ZNF804A: variants seen among roughly 807,000 people sequenced by gnomAD.
ZNF804A encodes zinc finger protein 804A.
Under a neutral mutation model 16.5 loss-of-function variants are expected in ZNF804A, and 2 were observed. The ratio of observed to expected loss-of-function variants is 0.12; its 90% CI spans 0.05 to 0.38. The LOEUF (loss-of-function observed/expected upper bound fraction) is 0.38, where lower values mean the gene tolerates loss of function less well. Ranked by LOEUF, ZNF804A falls within the 10% of genes least tolerant of loss-of-function variation. ZNF804A has a pLI of 0.99. For missense variants in ZNF804A, 1,473 were observed against 1,390.7 expected, an observed-to-expected ratio of 1.06 and a Z score of -0.94; for synonymous variants, 534 against 489.6, an observed-to-expected ratio of 1.09 and a Z score of -1.20.
At position 184,680,209 on chromosome 2, in the gene ZNF804A, G is replaced by C. The variant is rs181353395; in HGVS notation, c.111+81139G>C. 3.0e-3 allele frequency among the ~76,000 whole-genome samples: 451 copies of C among 151,908 alleles called. 1 individual carries two copies. Among genetic ancestry groups the C allele is most frequent in the African/African-American group, 0.011 (437 of 41,414 alleles). ...GTGGGTCTTCTGTCTGACAAGAGCT[G>C]AACAGATGGGATGACCTACCTGCGG... On this transcript the variant is annotated intron_variant, in intron 1 of 3. Coordinates refer to ENST00000302277, the MANE Select transcript of ZNF804A (RefSeq NM_194250.2).
rs78231332 is a variant in ZNF804A, at chr2:184,799,047, G to A, written c.112-67322G>A. 9.1e-3 allele frequency among the ~76,000 whole-genome samples: 1,382 copies of A among 152,192 alleles called. 23 individuals are homozygous for A. Among genetic ancestry groups the A allele is most frequent in the African/African-American group, 0.032 (1,322 of 41,528 alleles). ...GCAAGTCTCTCTGGTACCGCGGGCTGTCAGCACAGAGTCCTGTGATATGAA... is the reference window on the plus strand; with the variant it reads ...GCAAGTCTCTCTGGTACCGCGGGCTATCAGCACAGAGTCCTGTGATATGAA... On this transcript the variant is annotated intron_variant, in intron 1 of 3. Coordinates refer to ENST00000302277, the MANE Select transcript of ZNF804A (RefSeq NM_194250.2).
chr2:184,833,694 TATC>T (rs1203237687), intron 1 of ZNF804A, among the ~76,000 whole-genome samples: 4 of 152,030 alleles, frequency 2.6e-5, no homozygotes, highest in African/African-American at 9.7e-5. Context: ...TTCACAAGAA[TATC>T]ATGAAAGAGG....
chr2:184,628,650 T>G (rs571197246), intron 1 of ZNF804A, among the ~76,000 whole-genome samples: 27 of 152,190 alleles, frequency 1.8e-4, no homozygotes, highest in African/African-American at 5.8e-4. Flanking sequence ...TGGTAATCCT[T>G]TTTTTTAAAA....
At chr2:184,616,452 A>G (rs1246658347) in intron 1 of ZNF804A, among the ~76,000 whole-genome samples, 3 of 152,186 alleles carry the variant, frequency 2.0e-5, no homozygotes, top group African/African-American at 7.2e-5. Context: ...AGATTAAATA[A>G]TATAAGGGAA....
chr2:184,722,616 A>C (rs1433031715), intron 1 of ZNF804A, among the ~76,000 whole-genome samples: 1 of 152,024 alleles, frequency 6.6e-6, no homozygotes, highest in African/African-American at 2.4e-5. Context: ...GAATTGGTTA[A>C]ATATGTGTTC....
chr2:184,817,829 G>A (rs577307946), intron 1 of ZNF804A, among the ~76,000 whole-genome samples: 13 of 152,000 alleles, frequency 8.6e-5, no homozygotes, highest in Middle Eastern at 3.4e-3. Flanking sequence ...CTATCTTTCC[G>A]AAATAAGACA....
At chr2:184,659,314 C>G (rs900169614) in intron 1 of ZNF804A, among the ~76,000 whole-genome samples, 4 of 152,190 alleles carry the variant, frequency 2.6e-5, no homozygotes, top group Non-Finnish European at 5.9e-5. Flanking sequence ...GGCCACTATT[C>G]ATTTGTATGT....
At position 184,604,146 on chromosome 2, in the gene ZNF804A, C is replaced by CTTTTTTTTTTTTTTTTTTTTTTTTTTTT. The variant is rs759053144; in HGVS notation, c.111+5090_111+5117dup. On this transcript the variant is annotated intron_variant, in intron 1 of 3. Transcript: ENST00000302277. The stretch of plus-strand genomic sequence containing the variant: ...TTCAGGTTATGGATGACTGCAATTA[C>CTTTTTTTTTTTTTTTTTTTTTTTTTTTT]TTTTTTTTTTTTTTTTTTTTTTTTT... Among the ~76,000 whole-genome samples, 3 of 44,862 alleles carry CTTTTTTTTTTTTTTTTTTTTTTTTTTTT rather than the reference C, an allele frequency of 6.7e-5. 1 individual carries two copies. The highest frequency in any genetic ancestry group is 8.8e-5 in the Non-Finnish European group (2 of 22,814). 29.4% of individuals were successfully genotyped at this position (44,862 alleles called of 152,430 possible). A position where few individuals can be genotyped will look rare whatever the true frequency, so the allele number is the denominator to read the frequency against.
intron 1 of ZNF804A, among the ~76,000 whole-genome samples, chr2:184,670,505 A>G (rs1015663771): frequency 2.0e-5 from 3 of 151,996 alleles, no homozygotes. Context: ...GATATACCAT[A>G]TTTTAGTTCT....
intron 1 of ZNF804A, among the ~76,000 whole-genome samples, chr2:184,736,194 C>T (rs896184645): frequency 1.3e-5 from 2 of 152,102 alleles, no homozygotes; most frequent in African/African-American, 4.8e-5. Context: ...AAAAACACAG[C>T]ATAGGGCAAC....
intron 1 of ZNF804A, among the ~76,000 whole-genome samples, chr2:184,705,066 T>C (rs925340688): frequency 6.6e-6 from 1 of 152,194 alleles, no homozygotes; most frequent in African/African-American, 2.4e-5. Flanking sequence ...CAGTGTTAGA[T>C]TGCACCTGTT....
chr2:184,638,314 A>C (rs1691735690), intron 1 of ZNF804A, among the ~76,000 whole-genome samples: 1 of 152,224 alleles, frequency 6.6e-6, no homozygotes. Flanking sequence ...ATATGATGAC[A>C]TGCAGACTTT....
At chr2:184,910,473 T>A (rs1203040895) in intron 2 of ZNF804A, among the ~76,000 whole-genome samples, 1 of 152,040 alleles carries the variant, frequency 6.6e-6, no homozygotes, top group Non-Finnish European at 1.5e-5. Context: ...GGATTTATAT[T>A]CCTTTGGGAA....
At chr2:184,796,484 C>G (rs761006464) in intron 1 of ZNF804A, among the ~76,000 whole-genome samples, 31 of 152,124 alleles carry the variant, frequency 2.0e-4, no homozygotes, top group Non-Finnish European at 3.4e-4. Flanking sequence ...ATTTATCCAT[C>G]TCTTCTAGGT....
chr2:184,794,714 C>A (rs983241098), intron 1 of ZNF804A, among the ~76,000 whole-genome samples: 9 of 152,022 alleles, frequency 5.9e-5, no homozygotes, highest in Admixed American at 5.9e-4. Flanking sequence ...TACAAAATTG[C>A]AGAATAGACA....
intron 1 of ZNF804A, among the ~76,000 whole-genome samples, chr2:184,670,339 C>A (rs1438667641): frequency 6.6e-6 from 1 of 152,022 alleles, no homozygotes; most frequent in Non-Finnish European, 1.5e-5. Context: ...GAAATTCTCA[C>A]TTTTCCCTAA....
intron 1 of ZNF804A, among the ~76,000 whole-genome samples, chr2:184,794,639 T>G (rs1694603617): frequency 6.6e-6 from 1 of 151,980 alleles, no homozygotes; most frequent in South Asian, 2.1e-4. Context: ...ATGATGAATG[T>G]AATGGTACCT....
intron 1 of ZNF804A, among the ~76,000 whole-genome samples, chr2:184,853,280 A>G (rs184154148): frequency 6.6e-6 from 1 of 152,046 alleles, no homozygotes; most frequent in Admixed American, 6.6e-5. Context: ...TTGATTGCAT[A>G]TACTACAACT....
intron 3 of ZNF804A, among the ~76,000 whole-genome samples, chr2:184,935,546 A>G (rs1685770231): frequency 6.6e-6 from 1 of 152,224 alleles, no homozygotes; most frequent in Middle Eastern, 3.2e-3. Flanking sequence ...AACATTGCTC[A>G]TAACAGCTAT....
Sources: allele counts gnomAD v4.1 joint callset (sites outside exome capture counted in the v4.1 genomes callset), GRCh38; gene constraint gnomAD v4.1.1; transcripts MANE v1.5; gene names NCBI Gene and HGNC (gene_info 2026-07-23, HGNC 2026-07-21).